The following HTR3B variants were observed in gnomAD, a reference collection of about 807,000 sequenced individuals.
The protein encoded by HTR3B is 5-hydroxytryptamine (serotonin) receptor 3B, ionotropic.
A neutral mutation model predicts 42.8 loss-of-function variants in HTR3B; 44 were observed. The ratio of observed to expected loss-of-function variants is 1.03; its 90% CI spans 0.81 to 1.32. The LOEUF is 1.32. HTR3B is among the 40% of genes most tolerant of loss of function. HTR3B has a pLI of 0.00. For synonymous variants in HTR3B, 203 were observed against 209.0 expected, an observed-to-expected ratio of 0.97 and a Z score of 0.25; for missense variants, 527 against 536.5, an observed-to-expected ratio of 0.98 and a Z score of 0.17.
At chr11:113,938,304 C>T (rs1950107388) in intron 6 of HTR3B, among the ~76,000 whole-genome samples, 1 of 152,210 alleles carries the variant, frequency 6.6e-6, no homozygotes, top group African/African-American at 2.4e-5. Flanking sequence ...CGCATCCCAA[C>T]ATCCCCCAAA....
At chr11:113,919,014 G>C (rs1157608299) in intron 2 of HTR3B, among the ~76,000 whole-genome samples, 3 of 151,884 alleles carry the variant, frequency 2.0e-5, no homozygotes, top group Non-Finnish European at 4.4e-5. Flanking sequence ...CTTGCTATTT[G>C]TTTTCTAGTT....
intron 2 of HTR3B, among the ~76,000 whole-genome samples, chr11:113,910,898 C>T (rs1215275175): frequency 6.7e-6 from 1 of 150,130 alleles, no homozygotes; most frequent in African/African-American, 2.5e-5. Flanking sequence ...GGCACAATCT[C>T]TGCTCACTGC....
intron 2 of HTR3B, among the ~76,000 whole-genome samples, chr11:113,913,990 G>A (rs549880406): frequency 6.0e-4 from 92 of 152,172 alleles, no homozygotes; most frequent in African/African-American, 2.1e-3. Context: ...AGCCCTGATC[G>A]GATGCAGCTC....
At chr11:113,912,376 T>G (rs1459630187) in intron 2 of HTR3B, among the ~76,000 whole-genome samples, 1 of 152,204 alleles carries the variant, frequency 6.6e-6, no homozygotes, top group Non-Finnish European at 1.5e-5. Flanking sequence ...CCGGAACAGC[T>G]GGGACTACAG....
rs1950191310 is a variant in HTR3B at position 113,947,860 on chromosome 11, G to A, written c.*1723G>A. ...AGCAAGTCCAGATTCTGCAGAGTAG[G>A]CTGGCAGGCTGGAGACCTGCTGACA... On this transcript the variant is annotated 3_prime_UTR_variant, in exon 9 of 9. Coordinates refer to ENST00000260191, the MANE Select transcript of HTR3B (RefSeq NM_006028.5). Among the ~76,000 whole-genome samples, 1 of 152,122 alleles carries A rather than the reference G, an allele frequency of 6.6e-6. No individual in the cohort carries two copies. The highest frequency in any genetic ancestry group is 2.1e-4 in the South Asian group (1 of 4,834).
chr11:113,923,801 T>G (rs182073171), intron 2 of HTR3B, among the ~76,000 whole-genome samples: 1 of 152,310 alleles, frequency 6.6e-6, no homozygotes, highest in Non-Finnish European at 1.5e-5. Flanking sequence ...AGAAACTTGT[T>G]TCCTTTGACA....
intron 2 of HTR3B, among the ~76,000 whole-genome samples, chr11:113,930,107 A>G (rs528734362): frequency 4.0e-4 from 61 of 152,320 alleles, no homozygotes; most frequent in African/African-American, 1.4e-3. Flanking sequence ...TGTCCTGGAT[A>G]CAAGCCTCTT....
At chr11:113,911,939 A>G (rs2137489918) in intron 2 of HTR3B, among the ~76,000 whole-genome samples, 1 of 152,178 alleles carries the variant, frequency 6.6e-6, no homozygotes, top group Non-Finnish European at 1.5e-5. Flanking sequence ...TCTTCTGATT[A>G]TTTCTTTGAG....
intron 1 of HTR3B, among the ~76,000 whole-genome samples, chr11:113,908,648 T>C (rs967192048): frequency 6.6e-6 from 1 of 152,218 alleles, no homozygotes; most frequent in Non-Finnish European, 1.5e-5. Context: ...ATCAAGATTT[T>C]TGGGTCAGAA....
At chr11:113,936,533 C>A (rs1950093557) in intron 6 of HTR3B, among the ~76,000 whole-genome samples, 1 of 151,978 alleles carries the variant, frequency 6.6e-6, no homozygotes, top group Admixed American at 6.6e-5. Flanking sequence ...CCTCTAAGTG[C>A]TAGCAGATCA....
intron 2 of HTR3B, among the ~76,000 whole-genome samples, chr11:113,921,438 C>A (rs1949911856): frequency 1.3e-5 from 2 of 152,084 alleles, no homozygotes; most frequent in Admixed American, 1.3e-4. Flanking sequence ...GCCACTGCAC[C>A]CGGCCCCTTC....
chr11:113,912,911 T>C (rs943002689), intron 2 of HTR3B, among the ~76,000 whole-genome samples: 9 of 151,154 alleles, frequency 6.0e-5, no homozygotes, highest in Admixed American at 2.0e-4. Flanking sequence ...TTTTTATTGT[T>C]ATTATAGATT....
At chr11:113,922,372 T>C (rs1457093570) in intron 2 of HTR3B, among the ~76,000 whole-genome samples, 1 of 152,040 alleles carries the variant, frequency 6.6e-6, no homozygotes, top group Non-Finnish European at 1.5e-5. Context: ...TAGCTGGTAC[T>C]ATAGGTGTAT....
intron 2 of HTR3B, among the ~76,000 whole-genome samples, chr11:113,928,370 C>T (rs1311405710): frequency 6.6e-6 from 1 of 152,148 alleles, no homozygotes; most frequent in Non-Finnish European, 1.5e-5. Context: ...GATAACTTTC[C>T]CTTCCTTCAC....
chr11:113,903,609 A>G (rs994692251), upstream of HTR3B, among the ~76,000 whole-genome samples: 2 of 151,776 alleles, frequency 1.3e-5, no homozygotes, highest in East Asian at 3.9e-4. Context: ...TTGTAGTTTC[A>G]GTAGAGATGG....
chr11:113,907,469 T>C (rs1949742443), intron 1 of HTR3B, among the ~76,000 whole-genome samples: 1 of 152,196 alleles, frequency 6.6e-6, no homozygotes, highest in African/African-American at 2.4e-5. Context: ...TTTCTTCCCA[T>C]CTTAAACAAA....
intron 2 of HTR3B, among the ~76,000 whole-genome samples, chr11:113,913,752 T>TGATC (rs1001043552): frequency 2.0e-5 from 3 of 152,084 alleles, no homozygotes; most frequent in African/African-American, 7.2e-5. Flanking sequence ...TGACCTCAGG[T>TGATC]GATCCACCTG....
At chr11:113,910,479 C>T (rs1350205509) in intron 2 of HTR3B, among the ~76,000 whole-genome samples, 2 of 148,302 alleles carry the variant, frequency 1.3e-5, no homozygotes, top group Admixed American at 1.4e-4. Flanking sequence ...CTCTCTCTGT[C>T]ACCCAGGCTG....
In HTR3B at chr11:113,946,030, G is replaced by A; in HGVS notation, c.1219G>A (p.Val407Ile). 1 of 1,613,926 alleles carries A rather than the reference G, an allele frequency of 6.2e-7. No individual in the cohort carries two copies. Among genetic ancestry groups the A allele is most frequent in the South Asian group, 1.1e-5 (1 of 91,070 alleles). ...QTDQQEAEWL[V>I]LLSRFDRLLF... ...AGACCAACAGGAGGCAGAGTGGCTG[G>A]TCCTCCTGTCCCGCTTTGACCGACT... The change falls in exon 9 of 9, where the codon GTC (valine) becomes ATC (isoleucine). Residue 407 changes from valine to isoleucine, a missense_variant. Transcript: ENST00000260191.
Sources: allele counts gnomAD v4.1 joint callset (sites outside exome capture counted in the v4.1 genomes callset), GRCh38; gene constraint gnomAD v4.1.1; transcripts MANE v1.5; gene names NCBI Gene and HGNC (gene_info 2026-07-23, HGNC 2026-07-21).